The following ARHGAP10 variants were observed in gnomAD, a reference collection of about 807,000 sequenced individuals.
ARHGAP10 encodes rho GTPase-activating protein 10.
In ARHGAP10, 87 loss-of-function variants were observed where a neutral mutation model predicts 108.6. The ratio of observed to expected loss-of-function variants is 0.80; its 90% CI spans 0.67 to 0.96. ARHGAP10 has a LOEUF of 0.96. Among genes scored for constraint, ARHGAP10 ranks in the 40% least tolerant of loss-of-function variants. The probability of loss-of-function intolerance (pLI) is 0.00; values close to 1 mark genes in which losing one functional copy is unlikely to be tolerated. For missense variants in ARHGAP10, 939 were observed against 954.5 expected (o/e 0.98, Z 0.21); for synonymous variants, 347 against 341.1 (o/e 1.02, Z -0.19).
chr4:147,847,146 T>C lies in ARHGAP10; in HGVS notation c.313-5T>C. On this transcript the variant is annotated splice_polypyrimidine_tract_variant and splice_region_variant and intron_variant, in intron 3 of 22. Transcript: ENST00000336498. ...TGCTCTTTTGTTATCACTCTTGTTCTCTAGGCATTAAGTGTAACTGAAACC... is the reference window on the plus strand; with the variant it reads ...TGCTCTTTTGTTATCACTCTTGTTCCCTAGGCATTAAGTGTAACTGAAACC... 2.5e-6 allele frequency: 4 copies of C among 1,610,646 alleles called. No homozygotes were observed. Among genetic ancestry groups the C allele is most frequent in the Non-Finnish European group, 3.4e-6 (4 of 1,177,166 alleles).
chr4:147,920,538 A>C (rs1180456822), intron 13 of ARHGAP10, among the ~76,000 whole-genome samples: 1 of 152,148 alleles, frequency 6.6e-6, no homozygotes, highest in East Asian at 1.9e-4. Context: ...GCTAAACCCT[A>C]GTTCTAATCA....
chr4:147,939,647 C>T (rs961770684), intron 13 of ARHGAP10, among the ~76,000 whole-genome samples, 178 bp from the exon 14 acceptor site: 5 of 152,170 alleles, frequency 3.3e-5, no homozygotes, highest in African/African-American at 9.6e-5. Context: ...TTAACCACAA[C>T]TTACAGATAA....
intron 18 of ARHGAP10, among the ~76,000 whole-genome samples, chr4:148,007,569 G>A (rs1266316253): frequency 2.0e-5 from 3 of 152,214 alleles, no homozygotes; most frequent in African/African-American, 7.2e-5. Context: ...CCTTCATGCG[G>A]TGTGTGAACC....
chr4:148,048,958 A>AT (rs111872757), intron 20 of ARHGAP10, among the ~76,000 whole-genome samples: 3,878 of 140,572 alleles, frequency 0.028, 163 homozygotes, highest in African/African-American at 0.088. Context: ...TGGAAAGGAG[A>AT]TTTTTTTTTT....
intron 7 of ARHGAP10, among the ~76,000 whole-genome samples, chr4:147,872,453 A>G (rs72957736): frequency 0.018 from 2,749 of 152,260 alleles, 76 homozygotes; most frequent in African/African-American, 0.062. Context: ...TAGATAAAGA[A>G]GTAGTGATTG....
intron 1 of ARHGAP10, among the ~76,000 whole-genome samples, chr4:147,733,664 T>G (rs1413326556): frequency 1.3e-5 from 2 of 152,232 alleles, no homozygotes; most frequent in African/African-American, 2.4e-5. Flanking sequence ...ACATATTGAT[T>G]ATACTGTCTC....
intron 19 of ARHGAP10, among the ~76,000 whole-genome samples, chr4:148,030,365 T>C (rs2149669097): frequency 6.6e-6 from 1 of 152,356 alleles, no homozygotes; most frequent in East Asian, 1.9e-4. Flanking sequence ...GTAGCTGGGC[T>C]GTCTAAGAAA....
At chr4:148,041,292 C>CA (rs941942063) in intron 19 of ARHGAP10, among the ~76,000 whole-genome samples, 12 of 152,134 alleles carry the variant, frequency 7.9e-5, no homozygotes, top group African/African-American at 2.6e-4. Context: ...ATACCATGCC[C>CA]AAAAAATCTT....
chr4:147,834,507 T>A (rs1247058132), intron 3 of ARHGAP10, among the ~76,000 whole-genome samples: 1 of 152,114 alleles, frequency 6.6e-6, no homozygotes, highest in Non-Finnish European at 1.5e-5. Flanking sequence ...CATTAATTCA[T>A]CAGTGGATGA....
In ARHGAP10 at chr4:148,039,368, ATTTTTTTTTT is replaced by A. The variant is rs34876546; in HGVS notation, c.1868-7504_1868-7495del. On this transcript the variant is annotated intron_variant, in intron 19 of 22. Coordinates refer to ENST00000336498, the MANE Select transcript of ARHGAP10 (RefSeq NM_024605.4). ...TTAATACTTTAAGAATACTACTTCAATTTTTTTTTTTTTTTTTTTTTTTTTTTTTGAGATA... is the reference window on the plus strand; with the variant it reads ...TTAATACTTTAAGAATACTACTTCAATTTTTTTTTTTTTTTTTTTGAGATA... Among the ~76,000 whole-genome samples the A allele has an allele frequency of 2.7e-3, 196 of 73,092 alleles. 2 individuals carry two copies. The East Asian group carries it at 0.036, about 14-fold the overall frequency. The allele number at this position is 73,092 out of a possible 152,430, so 48.0% of individuals were successfully genotyped here.
chr4:147,884,753 A>G (rs1002206747), intron 10 of ARHGAP10, among the ~76,000 whole-genome samples: 7 of 152,222 alleles, frequency 4.6e-5, no homozygotes, highest in Non-Finnish European at 1.0e-4. Context: ...AGGAGAGAGC[A>G]TGATGTATTT....
chr4:148,018,625 G>A (rs1222965562), intron 18 of ARHGAP10, among the ~76,000 whole-genome samples: 1 of 150,890 alleles, frequency 6.6e-6, no homozygotes, highest in African/African-American at 2.4e-5. Context: ...CAAAGTAAAT[G>A]CACATAAAGG....
At chr4:147,752,668 C>T in intron 1 of ARHGAP10, among the ~76,000 whole-genome samples, 1 of 152,034 alleles carries the variant, frequency 6.6e-6, no homozygotes, top group East Asian at 1.9e-4. Flanking sequence ...GCTGGAATTA[C>T]AGGTGTGCGC....
intron 1 of ARHGAP10, among the ~76,000 whole-genome samples, chr4:147,818,171 T>C (rs1043974211): frequency 1.3e-5 from 2 of 151,852 alleles, no homozygotes; most frequent in African/African-American, 2.4e-5. Context: ...TTTCTTTTTT[T>C]TTTTTTTAAA....
At chr4:147,791,138 G>C (rs1028105585) in intron 1 of ARHGAP10, among the ~76,000 whole-genome samples, 2 of 146,120 alleles carry the variant, frequency 1.4e-5, no homozygotes, top group Non-Finnish European at 3.0e-5. Context: ...TTGAGACAGA[G>C]TCTCTCTTTG....
At chr4:147,951,849 T>C (rs932798590) in intron 15 of ARHGAP10, among the ~76,000 whole-genome samples, 2 of 152,188 alleles carry the variant, frequency 1.3e-5, no homozygotes, top group East Asian at 3.8e-4. Flanking sequence ...AAGTTTGATA[T>C]ATGTATACCT....
chr4:148,000,658 T>G (rs1406894128), intron 18 of ARHGAP10, among the ~76,000 whole-genome samples: 1 of 152,256 alleles, frequency 6.6e-6, no homozygotes, highest in Non-Finnish European at 1.5e-5. Context: ...GGTTTTGATT[T>G]GCATTTCTCT....
At chr4:147,784,166 GTATTATATATTTTACATAACATTAAAT>G (rs1730702867) in intron 1 of ARHGAP10, among the ~76,000 whole-genome samples, 1 of 73,028 alleles carries the variant, frequency 1.4e-5, no homozygotes, top group Non-Finnish European at 2.5e-5. Context: ...ATTAAATTGT[GTATTATATATTTTACATAACATTAAAT>G]TGTGTATTAT....
At chr4:147,845,254 C>G (rs914338331) in intron 3 of ARHGAP10, among the ~76,000 whole-genome samples, 1 of 152,172 alleles carries the variant, frequency 6.6e-6, no homozygotes, top group Admixed American at 6.5e-5. Flanking sequence ...ATGCATTCCT[C>G]ACTGTACTCC....
Sources: allele counts gnomAD v4.1 joint callset (sites outside exome capture counted in the v4.1 genomes callset), GRCh38; gene constraint gnomAD v4.1.1; transcripts MANE v1.5; gene names NCBI Gene and HGNC (gene_info 2026-07-23, HGNC 2026-07-21).